The following SRGAP2C variants were observed in gnomAD, a reference collection of about 807,000 sequenced individuals.
SRGAP2C encodes the protein SLIT-ROBO Rho GTPase activating protein 2C, also known as SLIT-ROBO Rho GTPase-activating protein 2C.
Under a neutral mutation model 25.1 loss-of-function variants are expected in SRGAP2C, and 15 were observed. That is an observed-to-expected ratio of 0.60 (90% CI 0.40 to 0.92). The LOEUF (loss-of-function observed/expected upper bound fraction) is 0.92, where lower values mean the gene tolerates loss of function less well. Ranked by LOEUF, SRGAP2C falls within the 40% of genes least tolerant of loss-of-function variation. The pLI is 0.00. For missense variants in SRGAP2C, 144 were observed against 264.4 expected, an observed-to-expected ratio of 0.54 and a Z score of 3.16; for synonymous variants, 44 against 96.6, an observed-to-expected ratio of 0.46 and a Z score of 3.19.
intron 2 of SRGAP2C, among the ~76,000 whole-genome samples, chr1:121,267,394 G>C (rs1235056857): frequency 6.6e-6 from 1 of 150,752 alleles, no homozygotes; most frequent in African/African-American, 2.4e-5. Flanking sequence ...GTTCTGCCAT[G>C]TTGGCCAGGC....
intron 2 of SRGAP2C, among the ~76,000 whole-genome samples, chr1:121,272,420 G>A (rs1364255102): frequency 7.9e-5 from 12 of 151,500 alleles, no homozygotes; most frequent in South Asian, 2.1e-4. Flanking sequence ...TTTTCTCTGC[G>A]GCCTCTCCAG....
intron 5 of SRGAP2C, among the ~76,000 whole-genome samples, chr1:121,370,412 C>T (rs1659449508): frequency 1.4e-5 from 2 of 139,966 alleles, no homozygotes; most frequent in South Asian, 2.4e-4. Flanking sequence ...GAGAGGGGAT[C>T]TTGGGGCCTC....
chr1:121,282,558 T>C (rs1194763748), intron 2 of SRGAP2C, among the ~76,000 whole-genome samples: 12 of 151,510 alleles, frequency 7.9e-5, no homozygotes, highest in Non-Finnish European at 1.3e-4. Flanking sequence ...TGGTTCTTTT[T>C]TTTGTTGTTT....
At chr1:121,236,057 C>T (rs1271980614) in intron 2 of SRGAP2C, among the ~76,000 whole-genome samples, 2 of 107,012 alleles carry the variant, frequency 1.9e-5, no homozygotes, top group African/African-American at 4.0e-5. Flanking sequence ...GGATGGCTTC[C>T]TTGTTTTCTG....
intron 3 of SRGAP2C, among the ~76,000 whole-genome samples, chr1:121,285,424 A>ACACACACACT (rs1316559875): frequency 1.4e-4 from 20 of 146,820 alleles, no homozygotes; most frequent in Non-Finnish European, 2.1e-4. Context: ...ACACACACAC[A>ACACACACACT]CTCACACTCA....
chr1:121,363,950 TATACATTACTTTTGTA>T (rs1340922754), intron 4 of SRGAP2C, among the ~76,000 whole-genome samples: 5 of 152,158 alleles, frequency 3.3e-5, no homozygotes, highest in Non-Finnish European at 7.3e-5. Context: ...TTATAATAAA[TATACATTACTTTTGTA>T]ATCAGAAAAA....
intron 3 of SRGAP2C, among the ~76,000 whole-genome samples, chr1:121,310,534 C>A (rs1344079664): frequency 4.1e-5 from 1 of 24,122 alleles, no homozygotes; most frequent in African/African-American, 2.3e-4. Flanking sequence ...CCTAGGTTTT[C>A]TTCCAGGGTT....
chr1:121,206,138 G>A lies in SRGAP2C; in HGVS notation c.67+18625G>A, dbSNP rs587703975. 9.3e-3 allele frequency among the ~76,000 whole-genome samples: 1,403 copies of A among 151,226 alleles called. 6 individuals are homozygous for A. The highest frequency in any genetic ancestry group is 0.03 in the South Asian group (145 of 4,768). The stretch of plus-strand genomic sequence containing the variant: ...TCCCACAGCCCCCACCGTGCTTACC[G>A]CTCCTGCATCACTTCCTACACCCTA... On this transcript the variant is annotated intron_variant, in intron 2 of 9. Coordinates refer to ENST00000367123, the MANE Select transcript of SRGAP2C (RefSeq NM_001329984.2).
At chr1:121,288,491 A>G (rs1469875079) in intron 3 of SRGAP2C, among the ~76,000 whole-genome samples, 67 of 48,046 alleles carry the variant, frequency 1.4e-3, no homozygotes, top group African/African-American at 2.6e-3. Flanking sequence ...TGATTGGTGT[A>G]TTTACAAACC....
intron 3 of SRGAP2C, among the ~76,000 whole-genome samples, chr1:121,291,812 G>GT (rs1226036081): frequency 8.8e-5 from 11 of 124,502 alleles, no homozygotes; most frequent in South Asian, 6.0e-4. Flanking sequence ...GAAATTGCTG[G>GT]TTTTTTTTGT....
chr1:121,203,454 A>T, intron 2 of SRGAP2C, among the ~76,000 whole-genome samples: 2 of 145,248 alleles, frequency 1.4e-5, no homozygotes, highest in African/African-American at 2.6e-5. Flanking sequence ...TCTTTTTTTT[A>T]ATATTTTATT....
chr1:121,363,925 T>A (rs1553349043), intron 4 of SRGAP2C, among the ~76,000 whole-genome samples: 1 of 152,078 alleles, frequency 6.6e-6, no homozygotes, highest in African/African-American at 2.4e-5. Flanking sequence ...TTTTTGAGGT[T>A]TTCTAGTTTC....
At chr1:121,359,669 G>C (rs1659142635) in intron 4 of SRGAP2C, among the ~76,000 whole-genome samples, 1 of 152,220 alleles carries the variant, frequency 6.6e-6, no homozygotes, top group African/African-American at 2.4e-5. Context: ...ATGGGAAGCT[G>C]AGGGAAGAGG....
intron 7 of SRGAP2C, 50 bp downstream of exon 7, chr1:121,375,004 A>G: frequency 1.3e-6 from 1 of 755,090 alleles, no homozygotes. Context: ...CTGGTTTCAG[A>G]ATACTCGTCA....
intron 3 of SRGAP2C, among the ~76,000 whole-genome samples, chr1:121,315,261 A>C (rs1570778531): frequency 6.6e-6 from 1 of 152,054 alleles, no homozygotes; most frequent in East Asian, 1.9e-4. Context: ...TTCCCACCTC[A>C]GCCTCCTGAG....
In SRGAP2C at chr1:121,309,261, G is replaced by C. The variant is rs1297364699; in HGVS notation, c.261-15217G>C. Among the ~76,000 whole-genome samples, 3 of 114,760 alleles carry C rather than the reference G, an allele frequency of 2.6e-5. No individual in the cohort carries two copies. The East Asian group carries it at 7.3e-4, about 28-fold the overall frequency. 75.3% of individuals were successfully genotyped at this position (114,760 alleles called of 152,430 possible). A position where few individuals can be genotyped will look rare whatever the true frequency, so the allele number is the denominator to read the frequency against. ...TAGGCAGGGCAGGTCTGCTGTCCCT[G>C]CTTATCCCATTTATTTATTTATTTT... On this transcript the variant is annotated intron_variant, in intron 3 of 9. Coordinates refer to ENST00000367123, the MANE Select transcript of SRGAP2C (RefSeq NM_001329984.2).
intron 2 of SRGAP2C, among the ~76,000 whole-genome samples, chr1:121,259,918 C>A (rs1435652402): frequency 7.3e-6 from 1 of 136,354 alleles, no homozygotes; most frequent in Non-Finnish European, 1.6e-5. Flanking sequence ...GCAGTGGCAC[C>A]ATGATAGCTC....
At chr1:121,307,175 A>G (rs1485428808) in intron 3 of SRGAP2C, among the ~76,000 whole-genome samples, 2 of 139,568 alleles carry the variant, frequency 1.4e-5, no homozygotes, top group Non-Finnish European at 3.1e-5. Context: ...GTGTTGCCCA[A>G]GCTGGTCTCA....
chr1:121,309,489 T>C (rs1657931816), intron 3 of SRGAP2C, among the ~76,000 whole-genome samples: 1 of 146,308 alleles, frequency 6.8e-6, no homozygotes, highest in South Asian at 2.2e-4. Context: ...TAGTTACATA[T>C]GTATACATGT....
Sources: allele counts gnomAD v4.1 joint callset (sites outside exome capture counted in the v4.1 genomes callset), GRCh38; gene constraint gnomAD v4.1.1; transcripts MANE v1.5; gene names NCBI Gene and HGNC (gene_info 2026-07-23, HGNC 2026-07-21).